FRMD4A: variants seen among roughly 807,000 people sequenced by gnomAD.
The protein encoded by FRMD4A is FERM domain-containing protein 4A.
In FRMD4A, 29 loss-of-function variants were observed where a neutral mutation model predicts 129.1. The observed-to-expected ratio is 0.22, with a 90% CI of 0.17 to 0.31. The LOEUF is 0.31. Among genes scored for constraint, FRMD4A ranks in the 10% least tolerant of loss-of-function variants. FRMD4A has a pLI of 1.00. For synonymous variants in FRMD4A, 634 were observed against 571.6 expected (o/e 1.11, Z -1.56); for missense variants, 1,272 against 1,375.8 (o/e 0.92, Z 1.19).
intron 2 of FRMD4A, among the ~76,000 whole-genome samples, chr10:14,111,701 A>G (rs1837912251): frequency 6.6e-6 from 1 of 152,100 alleles, no homozygotes; most frequent in African/African-American, 2.4e-5. Context: ...CAAAAAGAAT[A>G]AGCCATGATC....
chr10:13,762,689 A>G lies in FRMD4A; in HGVS notation c.385-9T>C, dbSNP rs748137768. On this transcript the variant is annotated splice_polypyrimidine_tract_variant and intron_variant, in intron 6 of 24. Transcript: ENST00000357447. ...TCAACGTCAATAAGCTCCTGAAAGG[A>G]AAAAGCAACAAACGAAGACAAGTTT... 6 of 1,584,032 alleles carry G rather than the reference A, an allele frequency of 3.8e-6. No individual in the cohort carries two copies. The South Asian group carries it at 6.7e-5, about 18-fold the overall frequency.
At chr10:14,202,872 A>C (rs1842680454) in intron 2 of FRMD4A, among the ~76,000 whole-genome samples, 1 of 152,164 alleles carries the variant, frequency 6.6e-6, no homozygotes, top group African/African-American at 2.4e-5. Context: ...TCCCAGGCTC[A>C]AGTGATCCTC....
At chr10:13,938,250 G>GTTTA (rs1261298788) in intron 2 of FRMD4A, among the ~76,000 whole-genome samples, 1 of 150,200 alleles carries the variant, frequency 6.7e-6, no homozygotes, top group East Asian at 2.0e-4. Context: ...TTGTTTGTTT[G>GTTTA]TTTGTTTTTG....
intron 9 of FRMD4A, among the ~76,000 whole-genome samples, chr10:13,745,918 G>A (rs1421992198): frequency 3.3e-5 from 5 of 152,154 alleles, no homozygotes; most frequent in Non-Finnish European, 5.9e-5. Context: ...CATGAACAAG[G>A]AAACGGGACC....
intron 2 of FRMD4A, chr10:13,890,959 T>C: frequency 1.7e-6 from 1 of 594,898 alleles, no homozygotes; most frequent in Non-Finnish European, 2.1e-6. Flanking sequence ...AAGTCGCTCG[T>C]TACGCACAGG....
At chr10:14,155,384 A>G (rs1840545375) in intron 2 of FRMD4A, among the ~76,000 whole-genome samples, 1 of 152,184 alleles carries the variant, frequency 6.6e-6, no homozygotes, top group South Asian at 2.1e-4. Flanking sequence ...GGTAAGAGTC[A>G]CCTTGATCCC....
intron 2 of FRMD4A, among the ~76,000 whole-genome samples, chr10:14,060,318 C>G (rs761832551): frequency 6.6e-6 from 1 of 152,124 alleles, no homozygotes; most frequent in South Asian, 2.1e-4. Flanking sequence ...ACACAACCAG[C>G]GGGAGGTTGG....
At chr10:13,723,637 C>A (rs1412674841) in intron 12 of FRMD4A, among the ~76,000 whole-genome samples, 1 of 152,182 alleles carries the variant, frequency 6.6e-6, no homozygotes, top group African/African-American at 2.4e-5. Flanking sequence ...GGTTAGATGA[C>A]CCCGAAAATC....
chr10:14,328,626 A>ATGTGTGTGTGTG lies in FRMD4A; in HGVS notation c.45+1420_45+1431dup, dbSNP rs58681647. On this transcript the variant is annotated intron_variant, in intron 2 of 24. Coordinates refer to ENST00000357447, the MANE Select transcript of FRMD4A (RefSeq NM_018027.5). ...ACTAGATAATATAATATACATATGC[A>ATGTGTGTGTGTG]TGTGTGTGTGTGTGTGTGTGTGTGT... 3.8e-3 allele frequency among the ~76,000 whole-genome samples: 548 copies of ATGTGTGTGTGTG among 142,576 alleles called. 4 individuals carry two copies. Among genetic ancestry groups the ATGTGTGTGTGTG allele is most frequent in the African/African-American group, 0.013 (498 of 38,630 alleles). The allele number at this position is 142,576 out of a possible 152,430, so 93.5% of individuals were successfully genotyped here.
intron 3 of FRMD4A, among the ~76,000 whole-genome samples, chr10:13,820,309 G>A (rs75590708): frequency 0.014 from 2,190 of 152,268 alleles, 19 homozygotes; most frequent in Non-Finnish European, 0.025. Flanking sequence ...CTCAGCACTG[G>A]TTGGTTGTGA....
At chr10:14,200,320 C>T (rs1425919445) in intron 2 of FRMD4A, among the ~76,000 whole-genome samples, 1 of 150,386 alleles carries the variant, frequency 6.6e-6, no homozygotes, top group East Asian at 2.0e-4. Context: ...GAGACAGACT[C>T]TCACTCTGTC....
At chr10:13,860,954 G>C (rs759833848) in intron 2 of FRMD4A, among the ~76,000 whole-genome samples, 1 of 152,142 alleles carries the variant, frequency 6.6e-6, no homozygotes, top group Non-Finnish European at 1.5e-5. Flanking sequence ...GCCACGGGAC[G>C]TACCAACTCT....
chr10:14,059,492 T>A (rs1028696479), intron 2 of FRMD4A, among the ~76,000 whole-genome samples: 8 of 152,096 alleles, frequency 5.3e-5, no homozygotes, highest in African/African-American at 1.9e-4. Context: ...TCTCCATGTG[T>A]GAACTGAGGA....
At chr10:13,693,648 C>T in intron 15 of FRMD4A, 1 of 640,842 alleles carries the variant, frequency 1.6e-6, no homozygotes, top group Non-Finnish European at 2.6e-6. Flanking sequence ...TTAAGTGTGA[C>T]CAGCAGGCCT....
intron 2 of FRMD4A, among the ~76,000 whole-genome samples, chr10:13,936,768 C>A (rs1224601897): frequency 2.6e-5 from 4 of 152,188 alleles, no homozygotes; most frequent in Non-Finnish European, 5.9e-5. Context: ...CTCTTCCTTG[C>A]AAATGAAGGG....
chr10:14,044,373 A>G (rs75359280), intron 2 of FRMD4A, among the ~76,000 whole-genome samples: 45 of 152,268 alleles, frequency 3.0e-4, no homozygotes, highest in African/African-American at 1.1e-3. Context: ...CCTGACCCCC[A>G]TTCCTGTCTG....
rs192653027 is a variant in FRMD4A, at chr10:14,330,512, G to C, written c.-82+85C>G. On this transcript the variant is annotated intron_variant, in intron 1 of 24. Coordinates refer to ENST00000357447, the MANE Select transcript of FRMD4A (RefSeq NM_018027.5). ...TTAAAATAAAACATTCCCTATTGCA[G>C]ATAAATCAAGCAGCCCGAGCCACCC... The C allele has an allele frequency of 1.3e-4, 51 of 405,132 alleles. No homozygotes were observed. In the Admixed American group the frequency reaches 1.8e-3, roughly 14 times the overall value. The allele number at this position is 405,132 out of a possible 1,614,324, so 25.1% of individuals were successfully genotyped here.
intron 2 of FRMD4A, among the ~76,000 whole-genome samples, chr10:14,127,947 TTTC>T (rs1838951442): frequency 5.6e-5 from 1 of 18,000 alleles, no homozygotes; most frequent in Admixed American, 6.5e-4. Context: ...TCTTTCTTTC[TTTC>T]TTTCTTTCTT....
At chr10:13,780,397 G>A (rs11258605) in intron 6 of FRMD4A, among the ~76,000 whole-genome samples, 43,945 of 151,800 alleles carry the variant, frequency 0.29, 7,471 homozygotes, top group East Asian at 0.4. Flanking sequence ...CATCTTCCCC[G>A]GGAGGAGGTG....
Sources: gnomAD v4.1 joint callset for allele counts (sites outside exome capture counted in the v4.1 genomes callset) on GRCh38, gnomAD v4.1.1 for gene constraint, MANE v1.5 for transcripts, NCBI Gene and HGNC (gene_info 2026-07-23, HGNC 2026-07-21) for gene names.